Variants in RASGRF2 observed in about 807,000 individuals in gnomAD.
RASGRF2 encodes Ras protein specific guanine nucleotide releasing factor 2.
Under a neutral mutation model 151.0 loss-of-function variants are expected in RASGRF2, and 76 were observed. The observed-to-expected ratio is 0.50, with a 90% CI of 0.42 to 0.61. RASGRF2 has a LOEUF of 0.61. Among genes scored for constraint, RASGRF2 ranks in the 20% least tolerant of loss-of-function variants. The pLI is 0.00. For synonymous variants in RASGRF2, 504 were observed against 566.5 expected, an observed-to-expected ratio of 0.89 and a Z score of 1.57; for missense variants, 1,148 against 1,564.6, an observed-to-expected ratio of 0.73 and a Z score of 4.49.
intron 18 of RASGRF2, among the ~76,000 whole-genome samples, chr5:81,196,264 A>G (rs903047069): frequency 6.6e-6 from 1 of 152,216 alleles, no homozygotes; most frequent in Non-Finnish European, 1.5e-5. Flanking sequence ...TCAAAAACAA[A>G]CAAATAACAA....
chr5:81,020,253 T>A (rs926357053), intron 1 of RASGRF2, among the ~76,000 whole-genome samples: 1 of 152,156 alleles, frequency 6.6e-6, no homozygotes, highest in Admixed American at 6.5e-5. Flanking sequence ...CTACTAAGGA[T>A]TTGTGAGATC....
chr5:81,035,605 G>C (rs948509512), intron 1 of RASGRF2, among the ~76,000 whole-genome samples: 2 of 150,676 alleles, frequency 1.3e-5, no homozygotes, highest in Non-Finnish European at 3.0e-5. Flanking sequence ...AGAACTTAAA[G>C]TATAATTAAA....
At chr5:81,048,193 C>T (rs1480368927) in intron 2 of RASGRF2, among the ~76,000 whole-genome samples, 1 of 152,132 alleles carries the variant, frequency 6.6e-6, no homozygotes, top group African/African-American at 2.4e-5. Flanking sequence ...TAGCCTAAAG[C>T]AATCCAACAC....
chr5:81,061,008 A>ATACATG (rs1340244891), intron 2 of RASGRF2, among the ~76,000 whole-genome samples: 6 of 151,838 alleles, frequency 4.0e-5, no homozygotes, highest in African/African-American at 1.5e-4. Flanking sequence ...ATGAACATAT[A>ATACATG]TACATGTACA....
chr5:81,136,082 G>A (rs546330951), intron 17 of RASGRF2, among the ~76,000 whole-genome samples: 3 of 152,162 alleles, frequency 2.0e-5, no homozygotes, highest in African/African-American at 7.2e-5. Flanking sequence ...GCGCAATCTC[G>A]GCTCACTGCA....
At chr5:81,168,455 C>T (rs772980953) in intron 17 of RASGRF2, among the ~76,000 whole-genome samples, 8 of 151,848 alleles carry the variant, frequency 5.3e-5, no homozygotes, top group Non-Finnish European at 7.4e-5. Context: ...GGGCTACAGG[C>T]GCACACCGCC....
chr5:81,020,973 G>T lies in RASGRF2; in HGVS notation c.289-21904G>T, dbSNP rs995166646. On this transcript the variant is annotated intron_variant, in intron 1 of 26. Transcript: ENST00000265080. ...GTCTCATAACTTGAGTTACCACCTG[G>T]AGGCATCAGGATTCACATACCGATG... Among the ~76,000 whole-genome samples the T allele has an allele frequency of 2.6e-5, 4 of 152,152 alleles. No homozygotes were observed. In the East Asian group the frequency reaches 5.8e-4, roughly 22 times the overall value.
chr5:80,978,531 A>C (rs1163224067), intron 1 of RASGRF2, among the ~76,000 whole-genome samples: 1 of 152,182 alleles, frequency 6.6e-6, no homozygotes, highest in Non-Finnish European at 1.5e-5. Flanking sequence ...GCCTATAATC[A>C]ATTCCTGCAC....
rs1752208458 is a variant in RASGRF2, at chr5:81,085,680, T to G, written c.1162-122T>G. 7 of 1,445,162 alleles carry G rather than the reference T, an allele frequency of 4.8e-6. 1 individual carries two copies. Among genetic ancestry groups the G allele is most frequent in the Non-Finnish European group, 6.4e-6 (7 of 1,086,878 alleles). The allele number at this position is 1,445,162 out of a possible 1,614,324, so 89.5% of individuals were successfully genotyped here. The stretch of plus-strand genomic sequence containing the variant: ...ATTTGTATTTCTTTTTTAAAAAATG[T>G]GTAAAACAGTAAAAAGTGGGAGAGT... On this transcript the variant is annotated intron_variant, in intron 7 of 26. Transcript: ENST00000265080.
At chr5:81,043,665 G>A (rs1028832143) in intron 2 of RASGRF2, among the ~76,000 whole-genome samples, 4 of 152,040 alleles carry the variant, frequency 2.6e-5, no homozygotes, top group African/African-American at 9.7e-5. Context: ...GTTTCCCATG[G>A]CTCTCAAGCT....
intron 1 of RASGRF2, among the ~76,000 whole-genome samples, chr5:81,008,220 G>A (rs1457485297): frequency 1.5e-5 from 2 of 132,060 alleles, no homozygotes; most frequent in Admixed American, 9.0e-5. Flanking sequence ...GCACAATCTC[G>A]GCTCACTGCA....
intron 17 of RASGRF2, among the ~76,000 whole-genome samples, chr5:81,143,413 G>A (rs1158821348): frequency 6.6e-6 from 1 of 151,870 alleles, no homozygotes; most frequent in African/African-American, 2.4e-5. Context: ...CTCCCAAAGT[G>A]CTGGGATTAC....
At chr5:81,089,871 C>A (rs934650568) in intron 9 of RASGRF2, among the ~76,000 whole-genome samples, 2 of 152,184 alleles carry the variant, frequency 1.3e-5, no homozygotes, top group African/African-American at 2.4e-5. Context: ...TTATGATAAA[C>A]TTTAAAAGCC....
At chr5:81,038,916 A>G (rs1242534959) in intron 1 of RASGRF2, among the ~76,000 whole-genome samples, 2 of 152,190 alleles carry the variant, frequency 1.3e-5, no homozygotes, top group East Asian at 3.9e-4. Flanking sequence ...AATGTGTTGC[A>G]AGTATGTCTT....
chr5:81,036,422 T>G (rs888469555), intron 1 of RASGRF2, among the ~76,000 whole-genome samples: 2 of 152,126 alleles, frequency 1.3e-5, no homozygotes, highest in African/African-American at 4.8e-5. Context: ...TTATTAACAC[T>G]ATCATTGGAA....
intron 1 of RASGRF2, among the ~76,000 whole-genome samples, chr5:81,013,585 A>G (rs1749537681): frequency 6.7e-6 from 1 of 149,896 alleles, no homozygotes. Flanking sequence ...TGTTGTCCCA[A>G]ATATATTTGT....
intron 1 of RASGRF2, among the ~76,000 whole-genome samples, chr5:80,991,727 G>C (rs1748657200): frequency 6.6e-6 from 1 of 152,164 alleles, no homozygotes; most frequent in African/African-American, 2.4e-5. Context: ...CAAAAAAGTA[G>C]TTGCTCTTAT....
At chr5:81,198,847 TATTATGAA>T (rs1755327961) in intron 18 of RASGRF2, among the ~76,000 whole-genome samples, 1 of 152,264 alleles carries the variant, frequency 6.6e-6, no homozygotes, top group East Asian at 1.9e-4. Context: ...GTGTCTTTGC[TATTATGAA>T]TAATGCAGCA....
chr5:81,064,636 A>G (rs745531353), intron 2 of RASGRF2, among the ~76,000 whole-genome samples: 2 of 152,084 alleles, frequency 1.3e-5, no homozygotes, highest in Non-Finnish European at 2.9e-5. Flanking sequence ...CATTATGGGT[A>G]GTTGGTCTGG....
Sources: gnomAD v4.1 joint callset for allele counts (sites outside exome capture counted in the v4.1 genomes callset) on GRCh38, gnomAD v4.1.1 for gene constraint, MANE v1.5 for transcripts, NCBI Gene and HGNC (gene_info 2026-07-23, HGNC 2026-07-21) for gene names.